The following TSPAN11 variants were observed in gnomAD, a reference collection of about 807,000 sequenced individuals.
TSPAN11 encodes tetraspanin-11.
Under a neutral mutation model 32.9 loss-of-function variants are expected in TSPAN11, and 29 were observed. The ratio of observed to expected loss-of-function variants is 0.88; its 90% CI spans 0.66 to 1.20. TSPAN11 has a LOEUF of 1.20. Among genes scored for constraint, TSPAN11 ranks in the 50% most tolerant of loss-of-function variants. The pLI is 0.00. For synonymous variants in TSPAN11, 140 were observed against 141.3 expected, an observed-to-expected ratio of 0.99 and a Z score of 0.07; for missense variants, 283 against 329.1, an observed-to-expected ratio of 0.86 and a Z score of 1.08.
chr12:30,941,278 T>C (rs1938158057), intron 1 of TSPAN11, among the ~76,000 whole-genome samples: 1 of 152,260 alleles, frequency 6.6e-6, no homozygotes. Context: ...GATTTTGCTA[T>C]ACTTGGGGAT....
At chr12:30,939,096 G>T (rs975644241) in intron 1 of TSPAN11, among the ~76,000 whole-genome samples, 2 of 152,034 alleles carry the variant, frequency 1.3e-5, no homozygotes, top group Non-Finnish European at 1.5e-5. Context: ...GCCAGGTGTG[G>T]TGGGCATGGT....
At chr12:30,944,602 T>C (rs1938230296) in intron 1 of TSPAN11, among the ~76,000 whole-genome samples, 1 of 152,170 alleles carries the variant, frequency 6.6e-6, no homozygotes, top group African/African-American at 2.4e-5. Context: ...CTGTTCACAA[T>C]AGCCAAGATA....
intron 1 of TSPAN11, among the ~76,000 whole-genome samples, chr12:30,944,813 C>T (rs1565790213): frequency 6.6e-6 from 1 of 152,246 alleles, no homozygotes; most frequent in African/African-American, 2.4e-5. Flanking sequence ...CAGAAGCCCT[C>T]CCCTGAGTAT....
At chr12:31,011,156 G>A in the TSPAN11 span, among the ~76,000 whole-genome samples, 2 of 152,170 alleles carry the variant, frequency 1.3e-5, no homozygotes, top group Non-Finnish European at 2.9e-5. Flanking sequence ...CACTTTGGGA[G>A]GACGAGGAGG....
intron 7 of TSPAN11, among the ~76,000 whole-genome samples, chr12:30,990,315 G>C (rs140228919): frequency 5.9e-5 from 9 of 152,264 alleles, no homozygotes; most frequent in African/African-American, 1.7e-4. Flanking sequence ...AGCAGGAGAC[G>C]TACATTGCAG....
chr12:30,972,997 C>A (rs76157083), intron 3 of TSPAN11, among the ~76,000 whole-genome samples: 1 of 152,028 alleles, frequency 6.6e-6, no homozygotes, highest in African/African-American at 2.4e-5. Flanking sequence ...CTGTCCTTTG[C>A]GGAGGAGCAC....
At chr12:30,976,525 G>T (rs559811073) in intron 3 of TSPAN11, among the ~76,000 whole-genome samples, 1 of 152,064 alleles carries the variant, frequency 6.6e-6, no homozygotes, top group Non-Finnish European at 1.5e-5. Flanking sequence ...ATCCACAGAC[G>T]CTCTCTTCAG....
chr12:30,990,791 G>C (rs1939297194), intron 7 of TSPAN11, among the ~76,000 whole-genome samples: 1 of 152,212 alleles, frequency 6.6e-6, no homozygotes, highest in Non-Finnish European at 1.5e-5. Flanking sequence ...CAGCTGCTAG[G>C]AAAGTCAGGA....
intron 2 of TSPAN11, among the ~76,000 whole-genome samples, chr12:30,963,391 C>G (rs1378211088): frequency 6.6e-6 from 1 of 152,192 alleles, no homozygotes; most frequent in South Asian, 2.1e-4. Context: ...GGGCGGTGCT[C>G]GAACGAGCCC....
chr12:30,962,459 C>A (rs1938632411), intron 2 of TSPAN11, among the ~76,000 whole-genome samples: 1 of 152,228 alleles, frequency 6.6e-6, no homozygotes, highest in South Asian at 2.1e-4. Flanking sequence ...TCCTCATCTG[C>A]AAAATGCAGA....
chr12:30,930,787 C>T (rs1381872336), intron 1 of TSPAN11, among the ~76,000 whole-genome samples: 3 of 152,220 alleles, frequency 2.0e-5, no homozygotes, highest in East Asian at 1.9e-4. Flanking sequence ...GGGTCTGTGG[C>T]GTCGGGCTGG....
At chr12:30,991,041 C>T (rs1308306304) in intron 7 of TSPAN11, among the ~76,000 whole-genome samples, 2 of 152,188 alleles carry the variant, frequency 1.3e-5, no homozygotes, top group Non-Finnish European at 2.9e-5. Context: ...GAATAAAGCT[C>T]CTCTGCATTC....
At position 30,932,987 on chromosome 12, in the gene TSPAN11, C is replaced by T. The variant is rs138141855; in HGVS notation, c.-12+6191C>T. On this transcript the variant is annotated intron_variant, in intron 1 of 7. Coordinates refer to ENST00000546076, the MANE Select transcript of TSPAN11 (RefSeq NM_001370302.1). ...GTAAATGTCCTTAAGCATGAAATGA[C>T]GTGGTCCACAATGAAGGCTTTTGTG... 8.5e-5 allele frequency among the ~76,000 whole-genome samples: 13 copies of T among 152,274 alleles called. No individual in the cohort carries two copies. The East Asian group carries it at 1.4e-3, about 16-fold the overall frequency.
At chr12:30,968,372 T>G (rs1270449985) in intron 3 of TSPAN11, among the ~76,000 whole-genome samples, 1 of 152,268 alleles carries the variant, frequency 6.6e-6, no homozygotes, top group Non-Finnish European at 1.5e-5. Context: ...CTAGCTCATC[T>G]GCAGCTCCTC....
At chr12:30,978,426 G>T in intron 3 of TSPAN11, 135 bp from the exon 4 acceptor site, 1 of 833,518 alleles carries the variant, frequency 1.2e-6, no homozygotes. Context: ...AGTGAGGCTG[G>T]TACATCCAGG....
At chr12:30,970,285 G>A (rs1938821836) in intron 3 of TSPAN11, among the ~76,000 whole-genome samples, 1 of 152,180 alleles carries the variant, frequency 6.6e-6, no homozygotes, top group Non-Finnish European at 1.5e-5. Flanking sequence ...CAGTCTGGGG[G>A]CTGCTCTCAC....
intron 1 of TSPAN11, among the ~76,000 whole-genome samples, chr12:30,930,017 T>C (rs1331521681): frequency 6.6e-6 from 1 of 152,206 alleles, no homozygotes; most frequent in African/African-American, 2.4e-5. Flanking sequence ...GGTGGGTTGT[T>C]GAGGACGGAG....
intron 1 of TSPAN11, among the ~76,000 whole-genome samples, 195 bp from the exon 2 acceptor site, chr12:30,953,786 C>T (rs1938428522): frequency 6.6e-6 from 1 of 152,202 alleles, no homozygotes; most frequent in Admixed American, 6.5e-5. Flanking sequence ...GAAGATTCTG[C>T]CCCAATTCAC....
downstream of TSPAN11, chr12:30,997,230 C>T (rs1821913323): frequency 6.6e-6 from 1 of 152,182 alleles, no homozygotes; most frequent in Admixed American, 6.5e-5. Context: ...GTTGCCCAGT[C>T]CAGAGCTAAA....
Sources: gnomAD v4.1 joint callset for allele counts (sites outside exome capture counted in the v4.1 genomes callset) on GRCh38, gnomAD v4.1.1 for gene constraint, MANE v1.5 for transcripts, NCBI Gene and HGNC (gene_info 2026-07-23, HGNC 2026-07-21) for gene names.